Variants in KIFC1 observed in about 807,000 individuals in gnomAD.
The protein encoded by KIFC1 is kinesin family member C1, also known as kinesin-like protein KIFC1.
Under a neutral mutation model 66.6 loss-of-function variants are expected in KIFC1, and 37 were observed. The observed-to-expected ratio is 0.56, with a 90% CI of 0.43 to 0.73. The LOEUF (loss-of-function observed/expected upper bound fraction) is 0.73. Among genes scored for constraint, KIFC1 ranks in the 30% least tolerant of loss-of-function variants. KIFC1 has a pLI of 0.00. For missense variants in KIFC1, 721 were observed against 859.8 expected (o/e 0.84, Z 2.02); for synonymous variants, 325 against 343.5 (o/e 0.95, Z 0.60).
intron 1 of KIFC1, among the ~76,000 whole-genome samples, chr6:33,393,704 C>A (rs1475929519): frequency 3.3e-5 from 5 of 151,028 alleles, no homozygotes; most frequent in African/African-American, 1.2e-4. Context: ...CCTCGGCCTC[C>A]GAGAGTGCTG....
In KIFC1 at chr6:33,403,630, G is replaced by A. The variant is rs550433541; in HGVS notation, c.355+95G>A. On this transcript the variant is annotated intron_variant, in intron 5 of 10. Coordinates refer to ENST00000428849, the MANE Select transcript of KIFC1 (RefSeq NM_002263.4). The surrounding 1 kb of genome is among the most constrained non-coding windows in gnomAD (Gnocchi z 4.6). ...AATCCATTTGGTCTCTAAGGGGAAG[G>A]AGATGTAGCATCAGGTGTGGATCCC... 2.4e-5 allele frequency: 37 copies of A among 1,574,272 alleles called. No individual in the cohort carries two copies. The South Asian group carries it at 3.8e-4, about 16-fold the overall frequency.
intron 1 of KIFC1, among the ~76,000 whole-genome samples, chr6:33,396,436 C>CTTTTTTTTTTTT (rs199749552): frequency 9.5e-5 from 11 of 116,254 alleles, no homozygotes; most frequent in African/African-American, 2.4e-4. Context: ...CTTTTCTTTT[C>CTTTTTTTTTTTT]TTTTTTTTTT....
rs1775503938 is a variant in KIFC1 at position 33,403,962 on chromosome 6, G to A, written c.589G>A (p.Ala197Thr). The A allele has an allele frequency of 1.9e-6, 3 of 1,614,240 alleles. No homozygotes were observed. Among genetic ancestry groups the A allele is most frequent in the Non-Finnish European group, 2.5e-6 (3 of 1,180,044 alleles). Residue 197 changes from alanine to threonine, a missense_variant, in exon 6 of 11, where the codon GCC becomes ACC. Transcript: ENST00000428849. The surrounding 1 kb of genome is among the most constrained non-coding windows in gnomAD (Gnocchi z 4.6). The stretch of plus-strand genomic sequence containing the variant: ...GGAGGGGCATTTAGCCAAGGTACAG[G>A]CCCAGGCTGAGCAGGGCCAACAGGA... ...TLEGHLAKVQ[A>T]QAEQGQQELK...
intron 3 of KIFC1, among the ~76,000 whole-genome samples, chr6:33,399,236 A>T (rs2151086311): frequency 6.6e-6 from 1 of 152,274 alleles, no homozygotes; most frequent in African/African-American, 2.4e-5. Context: ...TAAAAATATA[A>T]AATTAGCCAG....
At position 33,406,049 on chromosome 6, in the gene KIFC1, A is replaced by G. The variant is rs1180816945; in HGVS notation, c.1537-147A>G. The G allele has an allele frequency of 1.0e-4, 76 of 740,250 alleles. No individual in the cohort carries two copies. Among genetic ancestry groups the G allele is most frequent in the Non-Finnish European group, 1.5e-5 (7 of 465,872 alleles). The allele number at this position is 740,250 out of a possible 1,614,324, so 45.9% of individuals were successfully genotyped here. ...CTCCCTATTCTATGTATTCCTTACC[A>G]TTTTCAGACATACTGTGCATCTTAT... is the stretch of plus-strand genomic sequence containing the variant. On this transcript the variant is annotated intron_variant, in intron 7 of 10. Transcript: ENST00000428849. The surrounding 1 kb of genome is among the most constrained non-coding windows in gnomAD (Gnocchi z 4.5).
chr6:33,392,905 G>C (rs988129438), intron 1 of KIFC1, among the ~76,000 whole-genome samples: 3 of 152,138 alleles, frequency 2.0e-5, no homozygotes, highest in African/African-American at 4.8e-5. Flanking sequence ...ATGCAGCAGT[G>C]AACAAGGGAC....
intron 3 of KIFC1, among the ~76,000 whole-genome samples, chr6:33,398,949 C>CT (rs1348018024): frequency 6.6e-6 from 1 of 152,268 alleles, no homozygotes; most frequent in Admixed American, 6.5e-5. Context: ...ACTCCCCCAC[C>CT]TTTTTTACAT....
rs1255088312 is a variant in KIFC1 at position 33,403,486 on chromosome 6, G to T, written c.306G>T (p.Gly102=). 1 of 1,614,072 alleles carries T rather than the reference G, an allele frequency of 6.2e-7. No homozygotes were observed. Among genetic ancestry groups the T allele is most frequent in the African/African-American group, 1.3e-5 (1 of 74,936 alleles). The change falls in exon 5 of 11, where the codon GGG becomes GGT. Residue 102 remains glycine, a splice_region_variant and synonymous_variant. Transcript: ENST00000428849. This position sits in a 1 kb window ranked among gnomAD's most constrained non-coding sequence, Gnocchi z 4.6. ...GPRCSTAIAT[G]LKNQKPVPAV... is the part of the protein sequence containing the mutation. ...TAAGTCACCTCCTCAATTCTGTAGG[G>T]TTGAAGAACCAGAAGCCAGTTCCTG...
chr6:33,400,820 T>TTTTTTGTA lies in KIFC1; in HGVS notation c.250+2439_250+2446dup, dbSNP rs1775336115. 6.6e-6 allele frequency among the ~76,000 whole-genome samples: 1 copy of TTTTTTGTA among 152,100 alleles called. No homozygotes were observed. Among genetic ancestry groups the TTTTTTGTA allele is most frequent in the Non-Finnish European group, 1.5e-5 (1 of 67,986 alleles). On this transcript the variant is annotated intron_variant, in intron 3 of 10. Transcript: ENST00000428849. This position sits in a 1 kb window ranked among gnomAD's most constrained non-coding sequence, Gnocchi z 4.3. ...CTCCACCACACTTGGCTAATTTTGTTTTTTTGTATTTTTAATAGAGACAGG... is the reference window on the plus strand; with the variant it reads ...CTCCACCACACTTGGCTAATTTTGTTTTTTTGTATTTTTGTATTTTTAATAGAGACAGG...
At chr6:33,407,088 A>AT (rs1167542605) in intron 10 of KIFC1, 22 of 1,385,656 alleles carry the variant, frequency 1.6e-5, no homozygotes, top group African/African-American at 2.9e-5. Context: ...GAGAAAGCTG[A>AT]TTAAAAAAAA....
chr6:33,397,106 C>T (rs1775092881), intron 1 of KIFC1, among the ~76,000 whole-genome samples: 1 of 150,712 alleles, frequency 6.6e-6, no homozygotes, highest in African/African-American at 2.4e-5. Flanking sequence ...TCCTCCTTGG[C>T]CTCCCAAGTA....
intron 3 of KIFC1, 117 bp downstream of exon 3, chr6:33,398,504 G>A (rs971154511): frequency 7.3e-6 from 6 of 824,862 alleles, no homozygotes; most frequent in African/African-American, 1.7e-5. Flanking sequence ...TCGCTCTATC[G>A]CCCAGGCTGG....
intron 1 of KIFC1, among the ~76,000 whole-genome samples, chr6:33,392,547 A>G (rs1203922949): frequency 6.6e-6 from 1 of 152,214 alleles, no homozygotes; most frequent in African/African-American, 2.4e-5. Flanking sequence ...TTCCTGCCCA[A>G]TGAAACTGAT....
chr6:33,406,433 A>G lies in KIFC1; in HGVS notation c.1774A>G (p.Ile592Val), dbSNP rs1308110560. 5.0e-6 allele frequency: 8 copies of G among 1,604,102 alleles called. No homozygotes were observed. The highest frequency in any genetic ancestry group is 1.1e-5 in the South Asian group (1 of 90,186). The change falls in exon 8 of 11, where the codon ATT becomes GTT. Residue 592 changes from isoleucine (I) to valine (V), a missense_variant. Physicochemically the swap from Ile to Val is conservative, Grantham distance 29 (BLOSUM62 3). Transcript: ENST00000428849. The surrounding 1 kb of genome is among the most constrained non-coding windows in gnomAD (Gnocchi z 4.5). ...GGAACGCCTTCGGGAAACACAGGCC[A>G]TTAACAGCAGCCTGTCCACGCTGGG... ...ERERLRETQA[I>V]NSSLSTLGLV... is the part of the protein sequence containing the mutation.
At position 33,406,704 on chromosome 6, in the gene KIFC1, C is replaced by G; in HGVS notation, c.1901+39C>G. ...ACAGATGGAAGGGGTCAGGTAGGAA[C>G]TGTGTTGGGGTGAGGGGTAGAAAGG... On this transcript the variant is annotated intron_variant, in intron 9 of 10. Coordinates refer to ENST00000428849, the MANE Select transcript of KIFC1 (RefSeq NM_002263.4). The surrounding 1 kb of genome is among the most constrained non-coding windows in gnomAD (Gnocchi z 4.5). 1 of 1,612,152 alleles carries G rather than the reference C, an allele frequency of 6.2e-7. No individual in the cohort carries two copies. Among genetic ancestry groups the G allele is most frequent in the Non-Finnish European group, 8.5e-7 (1 of 1,178,278 alleles).
chr6:33,400,131 A>C lies in KIFC1; in HGVS notation c.250+1744A>C. 9.9e-7 allele frequency: 1 copy of C among 1,009,076 alleles called. No homozygotes were observed. Among genetic ancestry groups the C allele is most frequent in the African/African-American group, 1.6e-5 (1 of 63,530 alleles). 62.5% of individuals were successfully genotyped at this position (1,009,076 alleles called of 1,614,324 possible). A position where few individuals can be genotyped will look rare whatever the true frequency, so the allele number is the denominator to read the frequency against. On this transcript the variant is annotated intron_variant, in intron 3 of 10. Coordinates refer to ENST00000428849, the MANE Select transcript of KIFC1 (RefSeq NM_002263.4). The surrounding 1 kb of genome is among the most constrained non-coding windows in gnomAD (Gnocchi z 4.3). ...TGTCATGAGGGTGGTGGCCATCAAC[A>C]TTACAGCCCATAGACTGGGCAGTCC... is the stretch of plus-strand genomic sequence containing the variant.
In KIFC1 at chr6:33,404,951, C is replaced by A. The variant is rs562615563; in HGVS notation, c.856C>A (p.Arg286=). The part of the protein sequence containing the change: ...TVAQAALLTE[R]EERLHGLEME... ...GGCCCAGGCAGCCTTACTGACTGAGCGGGAAGAACGTCTTCATGGGCTAGA... is the reference window on the plus strand; with the variant it reads ...GGCCCAGGCAGCCTTACTGACTGAGAGGGAAGAACGTCTTCATGGGCTAGA... The change falls in exon 7 of 11, where the codon CGG becomes AGG. Residue 286 remains arginine, a synonymous_variant. Coordinates refer to ENST00000428849, the MANE Select transcript of KIFC1 (RefSeq NM_002263.4). This position sits in a 1 kb window ranked among gnomAD's most constrained non-coding sequence, Gnocchi z 4.0. The A allele has an allele frequency of 8.7e-6, 14 of 1,613,956 alleles. No individual in the cohort carries two copies. The highest frequency in any genetic ancestry group is 1.2e-5 in the Non-Finnish European group (14 of 1,180,032).
intron 10 of KIFC1, among the ~76,000 whole-genome samples, chr6:33,409,401 GCCT>G (rs1581928137): frequency 1.3e-5 from 2 of 152,238 alleles, no homozygotes; most frequent in East Asian, 1.9e-4. Flanking sequence ...GGAAATGAAA[GCCT>G]CCTTTCTCTG....
intron 1 of KIFC1, among the ~76,000 whole-genome samples, chr6:33,396,379 C>T (rs560506443): frequency 5.3e-5 from 8 of 151,972 alleles, no homozygotes; most frequent in Admixed American, 5.2e-4. Context: ...AACAACTCTT[C>T]AGGTACTCAG....
Sources: allele counts gnomAD v4.1 joint callset (sites outside exome capture counted in the v4.1 genomes callset), GRCh38; gene constraint gnomAD v4.1.1; non-coding constraint Gnocchi (gnomAD v3.1); transcripts MANE v1.5; gene names NCBI Gene and HGNC (gene_info 2026-07-23, HGNC 2026-07-21).